The following RIMS1 variants were observed in gnomAD, a reference collection of about 807,000 sequenced individuals.
The protein encoded by RIMS1 is regulating synaptic membrane exocytosis protein 1.
Under a neutral mutation model 214.1 loss-of-function variants are expected in RIMS1, and 83 were observed. The ratio of observed to expected loss-of-function variants is 0.39; its 90% CI spans 0.32 to 0.47. The LOEUF (loss-of-function observed/expected upper bound fraction) is 0.47. Among genes scored for constraint, RIMS1 ranks in the 20% least tolerant of loss-of-function variants. The pLI, the probability that RIMS1 is intolerant of heterozygous loss-of-function variation, is 0.99. For missense variants in RIMS1, 2,050 were observed against 2,161.8 expected, an observed-to-expected ratio of 0.95 and a Z score of 1.03; for synonymous variants, 793 against 786.8, an observed-to-expected ratio of 1.01 and a Z score of -0.13.
chr6:71,949,167 C>T (rs1788711761), intron 1 of RIMS1, among the ~76,000 whole-genome samples: 1 of 152,070 alleles, frequency 6.6e-6, no homozygotes, highest in African/African-American at 2.4e-5. Flanking sequence ...AGTGCAGATT[C>T]AGGATATATT....
chr6:72,184,710 G>A (rs2048852351), intron 6 of RIMS1, among the ~76,000 whole-genome samples: 1 of 151,994 alleles, frequency 6.6e-6, no homozygotes, highest in Admixed American at 6.6e-5. Context: ...AAATTATTGA[G>A]GAGAAAGGAT....
chr6:72,269,805 CT>C (rs1373067379), intron 22 of RIMS1, among the ~76,000 whole-genome samples: 3 of 152,102 alleles, frequency 2.0e-5, no homozygotes, highest in Non-Finnish European at 4.4e-5. Context: ...TAACTTATAT[CT>C]CATTTTCTTC....
chr6:72,186,183 G>C lies in RIMS1; in HGVS notation c.1678+3034G>C, dbSNP rs1170636834. ...TACTCAGATTTCTGACTACTTGGGG[G>C]TCAACCCCTAACCCCTGTGTTATTC... is the stretch of plus-strand genomic sequence containing the variant. On this transcript the variant is annotated intron_variant, in intron 6 of 33. Transcript: ENST00000521978. Among the ~76,000 whole-genome samples, 2 of 152,180 alleles carry C rather than the reference G, an allele frequency of 1.3e-5. 1 individual carries two copies.
At chr6:72,312,612 A>G (rs1330886525) in intron 27 of RIMS1, among the ~76,000 whole-genome samples, 1 of 152,148 alleles carries the variant, frequency 6.6e-6, no homozygotes, top group Non-Finnish European at 1.5e-5. Context: ...AATAAAAGAT[A>G]TAATGTACAA....
chr6:72,134,142 T>C (rs1320831943), intron 4 of RIMS1, among the ~76,000 whole-genome samples: 1 of 152,142 alleles, frequency 6.6e-6, no homozygotes, highest in Non-Finnish European at 1.5e-5. Context: ...AGATGTGTTA[T>C]ACATTTTGGA....
chr6:72,316,670 C>T (rs2095816410), intron 28 of RIMS1: 3 of 577,010 alleles, frequency 5.2e-6, no homozygotes. Context: ...ACCCAAATGT[C>T]ATAGATGCTT....
chr6:72,277,070 G>A, intron 23 of RIMS1, among the ~76,000 whole-genome samples: 1 of 152,178 alleles, frequency 6.6e-6, no homozygotes, highest in East Asian at 1.9e-4. Flanking sequence ...ACATTGTAAT[G>A]CAGAACGTAA....
At chr6:71,993,599 A>T (rs1008427680) in intron 2 of RIMS1, among the ~76,000 whole-genome samples, 14 of 152,226 alleles carry the variant, frequency 9.2e-5, no homozygotes, top group African/African-American at 3.4e-4. Flanking sequence ...TAAGGACAAA[A>T]CAACCAGAAA....
chr6:71,898,163 T>C lies in RIMS1; in HGVS notation c.164+10976T>C, dbSNP rs367980726. Among the ~76,000 whole-genome samples the C allele has an allele frequency of 3.1e-4, 47 of 152,266 alleles. 1 individual carries two copies. In the South Asian group the frequency reaches 7.9e-3, roughly 25 times the overall value. On this transcript the variant is annotated intron_variant, in intron 1 of 33. Coordinates refer to ENST00000521978, the MANE Select transcript of RIMS1 (RefSeq NM_014989.7). Reference sequence around the variant, plus strand: ...AATATAGGTGAGGATGTAAATTATATATTTTAAAAAGTAATCCTCTGGACA... The same window carrying C: ...AATATAGGTGAGGATGTAAATTATACATTTTAAAAAGTAATCCTCTGGACA...
intron 6 of RIMS1, among the ~76,000 whole-genome samples, chr6:72,185,015 C>T (rs979979609): frequency 1.1e-4 from 17 of 152,280 alleles, no homozygotes; most frequent in African/African-American, 4.1e-4. Context: ...TGTTTTGTCC[C>T]TGAAGTCAGG....
intron 4 of RIMS1, among the ~76,000 whole-genome samples, chr6:72,150,073 G>A (rs1305965980): frequency 6.6e-6 from 1 of 152,154 alleles, no homozygotes; most frequent in East Asian, 1.9e-4. Context: ...ACAGCTCTCA[G>A]CAGAGAGGGG....
chr6:72,207,268 G>T (rs1478888892), intron 6 of RIMS1, among the ~76,000 whole-genome samples: 1 of 152,162 alleles, frequency 6.6e-6, no homozygotes, highest in Non-Finnish European at 1.5e-5. Context: ...ACAACAGGTG[G>T]ATACATATAA....
At chr6:71,889,626 G>A (rs1440396201) in intron 1 of RIMS1, among the ~76,000 whole-genome samples, 1 of 152,060 alleles carries the variant, frequency 6.6e-6, no homozygotes, top group African/African-American at 2.4e-5. Flanking sequence ...CATATTGTCT[G>A]CAATTAGTGG....
intron 4 of RIMS1, among the ~76,000 whole-genome samples, chr6:72,166,987 T>C (rs1258712711): frequency 1.3e-5 from 2 of 152,024 alleles, no homozygotes; most frequent in Non-Finnish European, 2.9e-5. Context: ...AAAGTATATA[T>C]ATTTGCCTTG....
chr6:72,217,221 T>G (rs2056503937), intron 6 of RIMS1: 1 of 1,536,478 alleles, frequency 6.5e-7, no homozygotes, highest in Non-Finnish European at 8.7e-7. Context: ...TTCTACTACT[T>G]CATACATTGC....
rs75949510 is a variant in RIMS1, at chr6:72,390,753, C to A, written c.4505+17C>A. 9.3e-6 allele frequency: 15 copies of A among 1,612,616 alleles called. No individual in the cohort carries two copies. The South Asian group carries it at 1.4e-4, about 15-fold the overall frequency. On this transcript the variant is annotated intron_variant, in intron 30 of 33. Coordinates refer to ENST00000521978, the MANE Select transcript of RIMS1 (RefSeq NM_014989.7). ...TGAGGGCAAGTAAGTGCTGTCAGCA[C>A]GTCTGCATGGCTGTGGAACCAGGAA...
At chr6:72,069,971 A>G (rs1441482159) in intron 2 of RIMS1, among the ~76,000 whole-genome samples, 3 of 152,240 alleles carry the variant, frequency 2.0e-5, no homozygotes, top group Non-Finnish European at 4.4e-5. Flanking sequence ...CATGTATGAC[A>G]CTTAAATTAT....
At chr6:72,248,517 T>C (rs572770758) in intron 12 of RIMS1, among the ~76,000 whole-genome samples, 1 of 152,318 alleles carries the variant, frequency 6.6e-6, no homozygotes, top group Admixed American at 6.5e-5. Flanking sequence ...ATTTGGAATA[T>C]TCTTTTTAAC....
intron 6 of RIMS1, among the ~76,000 whole-genome samples, chr6:72,206,881 C>T (rs2053018558): frequency 6.6e-6 from 1 of 152,210 alleles, no homozygotes; most frequent in Admixed American, 6.5e-5. Context: ...TGGCTTCAGC[C>T]ACTTTCACCA....
Sources: allele counts gnomAD v4.1 joint callset (sites outside exome capture counted in the v4.1 genomes callset), GRCh38; gene constraint gnomAD v4.1.1; transcripts MANE v1.5; gene names NCBI Gene and HGNC (gene_info 2026-07-23, HGNC 2026-07-21).